The following ALCAM variants were observed in gnomAD, a reference collection of about 807,000 sequenced individuals.
The protein encoded by ALCAM is activated leukocyte cell adhesion molecule, also known as CD166 antigen.
A neutral mutation model predicts 70.9 loss-of-function variants in ALCAM; 30 were observed. The ratio of observed to expected loss-of-function variants is 0.42; its 90% CI spans 0.32 to 0.57. The LOEUF is 0.57. Among genes scored for constraint, ALCAM ranks in the 20% least tolerant of loss-of-function variants. The probability of loss-of-function intolerance (pLI) is 0.11; values close to 1 mark genes in which losing one functional copy is unlikely to be tolerated. For missense variants in ALCAM, 591 were observed against 695.1 expected (o/e 0.85, Z 1.68); for synonymous variants, 249 against 242.5 (o/e 1.03, Z -0.25).
Position 105,413,802 on chromosome 3 carries a change from A to G in ALCAM, c.73+46321A>G, listed in dbSNP as rs150416372. Among the ~76,000 whole-genome samples, 1,280 of 152,268 alleles carry G rather than the reference A, an allele frequency of 8.4e-3. 10 individuals carry two copies. Among genetic ancestry groups the G allele is most frequent in the Non-Finnish European group, 0.013 (912 of 68,014 alleles). ...TTCTTTCAATTAAATAATGCAAAAT[A>G]AGGTAATTAGAAAATAGTATGTTTA... On this transcript the variant is annotated intron_variant, in intron 1 of 15. Transcript: ENST00000306107.
At chr3:105,459,176 A>G (rs1233088744) in intron 1 of ALCAM, among the ~76,000 whole-genome samples, 1 of 152,112 alleles carries the variant, frequency 6.6e-6, no homozygotes, top group African/African-American at 2.4e-5. Flanking sequence ...ATATTCTCTC[A>G]TATTTCCAAT....
chr3:105,437,353 A>C (rs933073654), intron 1 of ALCAM, among the ~76,000 whole-genome samples: 1 of 152,150 alleles, frequency 6.6e-6, no homozygotes, highest in African/African-American at 2.4e-5. Flanking sequence ...ATTTGCTTTG[A>C]TTATTTTTCC....
chr3:105,451,970 T>G (rs1356089407), intron 1 of ALCAM, among the ~76,000 whole-genome samples: 1 of 152,200 alleles, frequency 6.6e-6, no homozygotes, highest in Non-Finnish European at 1.5e-5. Flanking sequence ...GATTTGGGTC[T>G]GCACTGCAAG....
At chr3:105,368,207 C>T (rs1481333501) in intron 1 of ALCAM, among the ~76,000 whole-genome samples, 1 of 70,064 alleles carries the variant, frequency 1.4e-5, no homozygotes, top group African/African-American at 4.9e-5. Flanking sequence ...GTTCTCAGTT[C>T]TGTACTGAGT....
chr3:105,379,607 C>A (rs1000933845), intron 1 of ALCAM, among the ~76,000 whole-genome samples: 1 of 151,536 alleles, frequency 6.6e-6, no homozygotes, highest in African/African-American at 2.4e-5. Context: ...AGAAAAATTT[C>A]CGATTGTTAC....
intron 14 of ALCAM, among the ~76,000 whole-genome samples, chr3:105,568,837 A>G (rs996591018): frequency 1.4e-4 from 22 of 152,118 alleles, no homozygotes; most frequent in African/African-American, 4.3e-4. Flanking sequence ...CTGAGGGTTT[A>G]TAATTGTTAT....
chr3:105,415,188 C>T (rs1448871499), intron 1 of ALCAM, among the ~76,000 whole-genome samples: 1 of 152,090 alleles, frequency 6.6e-6, no homozygotes, highest in East Asian at 1.9e-4. Flanking sequence ...AGGAAAGGTA[C>T]CTCAATTTGC....
chr3:105,544,728 G>T (rs188738821), intron 8 of ALCAM: 1 of 165,550 alleles, frequency 6.0e-6, no homozygotes, highest in African/African-American at 2.4e-5. Flanking sequence ...AAATGGAATA[G>T]CACTTTTTAA....
intron 1 of ALCAM, among the ~76,000 whole-genome samples, chr3:105,515,538 G>A (rs1939358880): frequency 6.6e-6 from 1 of 152,038 alleles, no homozygotes; most frequent in African/African-American, 2.4e-5. Context: ...ATTTGCATAA[G>A]GTTTGGTGGG....
At chr3:105,429,009 A>C (rs1030464000) in intron 1 of ALCAM, among the ~76,000 whole-genome samples, 1 of 151,994 alleles carries the variant, frequency 6.6e-6, no homozygotes, top group Non-Finnish European at 1.5e-5. Context: ...AAATCAAACA[A>C]TGTGATTCAT....
intron 1 of ALCAM, among the ~76,000 whole-genome samples, chr3:105,428,277 C>G (rs976597161): frequency 3.3e-5 from 5 of 151,844 alleles, no homozygotes; most frequent in African/African-American, 1.2e-4. Context: ...TTTAAACAGA[C>G]TGGAAACAAT....
intron 1 of ALCAM, among the ~76,000 whole-genome samples, chr3:105,486,066 AT>A (rs1010975570): frequency 6.6e-6 from 1 of 152,106 alleles, no homozygotes; most frequent in African/African-American, 2.4e-5. Context: ...TTCTGTAACT[AT>A]TAACTAAATC....
intron 1 of ALCAM, among the ~76,000 whole-genome samples, chr3:105,406,410 A>G (rs757905332): frequency 1.8e-4 from 28 of 152,154 alleles, no homozygotes; most frequent in Admixed American, 1.3e-4. Flanking sequence ...GCTTTTTGTT[A>G]CATCCCAGCC....
At chr3:105,444,114 A>C (rs1937241386) in intron 1 of ALCAM, among the ~76,000 whole-genome samples, 1 of 152,162 alleles carries the variant, frequency 6.6e-6, no homozygotes, top group Admixed American at 6.6e-5. Flanking sequence ...TTCAAAATGG[A>C]GGTGGTTATG....
chr3:105,539,011 A>G (rs1940047677), intron 6 of ALCAM, among the ~76,000 whole-genome samples: 1 of 152,098 alleles, frequency 6.6e-6, no homozygotes, highest in Non-Finnish European at 1.5e-5. Flanking sequence ...TACTCATTTC[A>G]CTTGTTAGCT....
At chr3:105,494,699 G>A (rs1938688087) in intron 1 of ALCAM, among the ~76,000 whole-genome samples, 1 of 146,284 alleles carries the variant, frequency 6.8e-6, no homozygotes, top group Admixed American at 7.0e-5. Context: ...TTGTTCTGTT[G>A]CCCAGGCTGG....
chr3:105,530,576 T>C (rs943798627), intron 3 of ALCAM, among the ~76,000 whole-genome samples: 2 of 152,058 alleles, frequency 1.3e-5, no homozygotes, highest in Non-Finnish European at 2.9e-5. Context: ...TGTTCTATCT[T>C]GCTTATGTTT....
intron 1 of ALCAM, among the ~76,000 whole-genome samples, chr3:105,514,977 A>G (rs1023850593): frequency 6.6e-6 from 1 of 151,928 alleles, no homozygotes; most frequent in Non-Finnish European, 1.5e-5. Context: ...ACAAAATGAC[A>G]TTAGATTTCA....
rs557766763 is a variant in ALCAM at position 105,466,638 on chromosome 3, A to G, written c.74-53429A>G. 2.0e-5 allele frequency among the ~76,000 whole-genome samples: 3 copies of G among 151,552 alleles called. No individual in the cohort carries two copies. The South Asian group carries it at 6.2e-4, about 31-fold the overall frequency. ...AATCAAGAGGTGACTGTACTCTGGT[A>G]TCCCTGAGACATGCAGAATTAAAAG... On this transcript the variant is annotated intron_variant, in intron 1 of 15. Coordinates refer to ENST00000306107, the MANE Select transcript of ALCAM (RefSeq NM_001627.4).
Sources: allele counts gnomAD v4.1 joint callset (sites outside exome capture counted in the v4.1 genomes callset), GRCh38; gene constraint gnomAD v4.1.1; transcripts MANE v1.5; gene names NCBI Gene and HGNC (gene_info 2026-07-23, HGNC 2026-07-21).